The following SFMBT2 variants were observed in gnomAD, a reference collection of about 807,000 sequenced individuals.
The protein encoded by SFMBT2 is Scm like with four mbt domains 2, also known as scm-like with four MBT domains protein 2.
In SFMBT2, 38 loss-of-function variants were observed where a neutral mutation model predicts 110.1. The observed-to-expected ratio is 0.35, with a 90% CI of 0.27 to 0.45. The LOEUF (loss-of-function observed/expected upper bound fraction) is 0.45, where lower values mean the gene tolerates loss of function less well. Among genes scored for constraint, SFMBT2 ranks in the 20% least tolerant of loss-of-function variants. SFMBT2 has a pLI of 1.00. For missense variants in SFMBT2, 1,011 were observed against 1,094.9 expected (o/e 0.92, Z 1.08); for synonymous variants, 425 against 425.4 (o/e 1.00, Z 0.01).
At chr10:7,243,095 G>A (rs754668272) in intron 9 of SFMBT2, among the ~76,000 whole-genome samples, 1 of 152,176 alleles carries the variant, frequency 6.6e-6, no homozygotes, top group Non-Finnish European at 1.5e-5. Context: ...GGCTCCCAGT[G>A]TAATTATTTT....
chr10:7,168,550 C>A (rs1426472590), intron 20 of SFMBT2, among the ~76,000 whole-genome samples: 1 of 152,214 alleles, frequency 6.6e-6, no homozygotes, highest in Non-Finnish European at 1.5e-5. Context: ...CGCATCAGTG[C>A]AACCAAACCT....
chr10:7,212,441 T>C (rs1588343951), intron 11 of SFMBT2, among the ~76,000 whole-genome samples: 1 of 152,376 alleles, frequency 6.6e-6, no homozygotes, highest in East Asian at 1.9e-4. Context: ...AACAGAGCCC[T>C]GTGGGACAGT....
intron 4 of SFMBT2, among the ~76,000 whole-genome samples, 184 bp from the exon 5 acceptor site, chr10:7,286,138 C>T (rs75467254): frequency 6.6e-6 from 1 of 152,212 alleles, no homozygotes; most frequent in African/African-American, 2.4e-5. Context: ...AAATGTGTCT[C>T]TAAGTAGCAA....
intron 4 of SFMBT2, among the ~76,000 whole-genome samples, chr10:7,294,376 T>C (rs1396249761): frequency 6.6e-6 from 1 of 152,202 alleles, no homozygotes; most frequent in Non-Finnish European, 1.5e-5. Context: ...TCTCTGACCC[T>C]AGCATGTAAC....
intron 1 of SFMBT2, among the ~76,000 whole-genome samples, chr10:7,397,543 A>G (rs548483876): frequency 2.0e-5 from 3 of 152,316 alleles, no homozygotes; most frequent in South Asian, 2.1e-4. Context: ...CAGGAATTTC[A>G]AAATGAGCAC....
At chr10:7,295,564 C>T (rs980417930) in intron 4 of SFMBT2, among the ~76,000 whole-genome samples, 1 of 152,216 alleles carries the variant, frequency 6.6e-6, no homozygotes, top group African/African-American at 2.4e-5. Flanking sequence ...ATTGCACAGA[C>T]CTTTCACTAA....
At chr10:7,227,180 CAAAG>C (rs1839922176) in intron 10 of SFMBT2, among the ~76,000 whole-genome samples, 1 of 152,168 alleles carries the variant, frequency 6.6e-6, no homozygotes, top group African/African-American at 2.4e-5. Context: ...AACTGGACAT[CAAAG>C]AAAGTATTAA....
rs145860586 is a variant in SFMBT2, at chr10:7,303,491, AAGAG to A, written c.437-17541_437-17538del. Among the ~76,000 whole-genome samples the A allele has an allele frequency of 1.3e-4, 19 of 151,400 alleles. No homozygotes were observed. In the South Asian group the frequency reaches 2.1e-3, roughly 17 times the overall value. ...AAAGATGGGGTAATCCGAGACTAAAAAGAGAGAGAGAGAGAGACAGAGAGACAGA... is the reference window on the plus strand; with the variant it reads ...AAAGATGGGGTAATCCGAGACTAAAAAGAGAGAGAGAGACAGAGAGACAGA... On this transcript the variant is annotated intron_variant, in intron 4 of 20. Coordinates refer to ENST00000397167, the MANE Select transcript of SFMBT2 (RefSeq NM_001387889.1).
At chr10:7,208,747 C>CT (rs1839235761) in intron 11 of SFMBT2, among the ~76,000 whole-genome samples, 1 of 151,680 alleles carries the variant, frequency 6.6e-6, no homozygotes, top group Non-Finnish European at 1.5e-5. Context: ...TCAATTACAA[C>CT]TTTCATCTTC....
chr10:7,211,349 A>G (rs115192625), intron 11 of SFMBT2, among the ~76,000 whole-genome samples: 2,856 of 152,190 alleles, frequency 0.019, 89 homozygotes, highest in African/African-American at 0.063. Context: ...GGACCCCTTC[A>G]GTGAGAATGT....
rs916435378 is a variant in SFMBT2 at position 7,234,768 on chromosome 10, C to A, written c.1121-6831G>T. ...AGCCCAAGTCAAAAGAGAAGAAAAT[C>A]TCCAGACACCAAAAAAAAAGTAAAA... On this transcript the variant is annotated intron_variant, in intron 9 of 20. Transcript: ENST00000397167. Among the ~76,000 whole-genome samples, 7 of 151,328 alleles carry A rather than the reference C, an allele frequency of 4.6e-5. No homozygotes were observed. In the South Asian group the frequency reaches 1.5e-3, roughly 32 times the overall value.
At chr10:7,248,472 T>C (rs954140252) in intron 8 of SFMBT2, 76 bp downstream of exon 8, 2 of 1,218,750 alleles carry the variant, frequency 1.6e-6, no homozygotes, top group Non-Finnish European at 1.2e-6. Context: ...ATATGTCATC[T>C]GGTCGTCTTT....
chr10:7,335,217 G>A (rs1253324081), intron 4 of SFMBT2, among the ~76,000 whole-genome samples: 4 of 152,212 alleles, frequency 2.6e-5, no homozygotes, highest in African/African-American at 9.6e-5. Flanking sequence ...GGCCCATGGT[G>A]ATGGCTGCAC....
chr10:7,339,082 A>C (rs12245716), intron 4 of SFMBT2, among the ~76,000 whole-genome samples: 4,033 of 152,212 alleles, frequency 0.026, 166 homozygotes, highest in African/African-American at 0.092. Context: ...TCTACTAAAA[A>C]TACAAAAATT....
rs1426282232 is a variant in SFMBT2, at chr10:7,243,618, A to G, written c.1060T>C (p.Leu354=). The stretch of plus-strand genomic sequence containing the variant: ...CACCACTGTACTGGCAAAATCCCCA[A>G]AGAATCTGCATGGCACAGCATTGAC... ...KLSMLCHADS[L]GILPVQWCLK... The change falls in exon 9 of 21, where the codon TTG becomes CTG. Residue 354 remains leucine, a synonymous_variant. Transcript: ENST00000397167. 1.1e-6 allele frequency: 1 copy of G among 872,964 alleles called. No individual in the cohort carries two copies. Among genetic ancestry groups the G allele is most frequent in the Non-Finnish European group, 2.0e-6 (1 of 501,672 alleles). 54.1% of individuals were successfully genotyped at this position (872,964 alleles called of 1,614,324 possible). A position where few individuals can be genotyped will look rare whatever the true frequency, so the allele number is the denominator to read the frequency against.
At chr10:7,222,607 T>A (rs1338605557) in intron 10 of SFMBT2, among the ~76,000 whole-genome samples, 1 of 152,152 alleles carries the variant, frequency 6.6e-6, no homozygotes, top group East Asian at 1.9e-4. Context: ...AGTAAGAGTG[T>A]CCTGATTTTT....
intron 4 of SFMBT2, among the ~76,000 whole-genome samples, chr10:7,331,749 A>T (rs1843565098): frequency 6.6e-6 from 1 of 152,130 alleles, no homozygotes; most frequent in Non-Finnish European, 1.5e-5. Context: ...CACTCCTGTA[A>T]TCCCAGCACT....
At chr10:7,319,468 G>A (rs182051353) in intron 4 of SFMBT2, among the ~76,000 whole-genome samples, 1 of 152,324 alleles carries the variant, frequency 6.6e-6, no homozygotes, top group Admixed American at 6.5e-5. Flanking sequence ...AGATCTTGGG[G>A]AAAACAAACG....
Position 7,227,867 on chromosome 10 carries a change from G to A in SFMBT2, c.1191C>T (p.Phe397=), listed in dbSNP as rs753627927. The change falls in exon 10 of 21, where the codon TTC becomes TTT. Residue 397 remains phenylalanine (F), a synonymous_variant. Coordinates refer to ENST00000397167, the MANE Select transcript of SFMBT2 (RefSeq NM_001387889.1). ...AGAAGCTTCTTACATTTCGGAAGCA[G>A]AAGGGAGGGGCTTCCTGCGCCCCAT... The part of the protein sequence containing the change: ...KQHGAQEAPP[F]CFRNTSFSRG... 58 of 1,609,022 alleles carry A rather than the reference G, an allele frequency of 3.6e-5. No individual in the cohort carries two copies. The highest frequency in any genetic ancestry group is 4.8e-5 in the Non-Finnish European group (57 of 1,178,520).
Sources: gnomAD v4.1 joint callset for allele counts (sites outside exome capture counted in the v4.1 genomes callset) on GRCh38, gnomAD v4.1.1 for gene constraint, MANE v1.5 for transcripts, NCBI Gene and HGNC (gene_info 2026-07-23, HGNC 2026-07-21) for gene names.